The following EMCN variants were observed in gnomAD, a reference collection of about 807,000 sequenced individuals.
EMCN encodes the protein endomucin, also known as MUC-14.
EMCN carries 37 observed loss-of-function variants against 38.4 expected under a neutral mutation model. The ratio of observed to expected loss-of-function variants is 0.96; its 90% confidence interval spans 0.74 to 1.27. The LOEUF (loss-of-function observed/expected upper bound fraction) is 1.27. EMCN is among the 50% of genes most tolerant of loss of function. The pLI is 0.00. For synonymous variants in EMCN, 95 were observed against 100.8 expected, an observed-to-expected ratio of 0.94 and a Z score of 0.35; for missense variants, 318 against 302.8, an observed-to-expected ratio of 1.05 and a Z score of -0.37.
chr4:100,484,050 A>G (rs1728880005), intron 1 of EMCN, among the ~76,000 whole-genome samples: 1 of 152,148 alleles, frequency 6.6e-6, no homozygotes, highest in Admixed American at 6.6e-5. Flanking sequence ...ATATATCCAG[A>G]CTTAGAGAGC....
intron 3 of EMCN, among the ~76,000 whole-genome samples, chr4:100,472,805 G>A (rs1437095968): frequency 2.0e-5 from 3 of 151,700 alleles, no homozygotes; most frequent in Admixed American, 6.6e-5. Flanking sequence ...GAGTAGATTC[G>A]GGAGTCCAGA....
intron 5 of EMCN, among the ~76,000 whole-genome samples, chr4:100,432,810 G>T (rs1476873081): frequency 1.3e-5 from 2 of 151,814 alleles, no homozygotes; most frequent in Non-Finnish European, 1.5e-5. Context: ...ATCTTTCTTT[G>T]ATCTCTCATT....
At chr4:100,511,755 G>A (rs1040550870) in intron 1 of EMCN, among the ~76,000 whole-genome samples, 1 of 151,878 alleles carries the variant, frequency 6.6e-6, no homozygotes, top group East Asian at 1.9e-4. Context: ...AAACTAAAAT[G>A]TTCTCATCAA....
intron 10 of EMCN, among the ~76,000 whole-genome samples, chr4:100,411,914 T>A (rs993019561): frequency 1.3e-5 from 2 of 152,180 alleles, no homozygotes; most frequent in Admixed American, 1.3e-4. Context: ...TATGGCTTTA[T>A]AAATTTGTGA....
chr4:100,405,071 C>T (rs560930314), intron 11 of EMCN, among the ~76,000 whole-genome samples: 68 of 152,048 alleles, frequency 4.5e-4, no homozygotes, highest in Admixed American at 1.6e-3. Context: ...TTTTGTATCC[C>T]AAAACTTTGC....
At chr4:100,402,053 C>T (rs1047159018) in intron 11 of EMCN, among the ~76,000 whole-genome samples, 10 of 152,078 alleles carry the variant, frequency 6.6e-5, no homozygotes, top group Non-Finnish European at 1.3e-4. Flanking sequence ...TATATAATGT[C>T]ACTGTGCAAA....
intron 5 of EMCN, among the ~76,000 whole-genome samples, chr4:100,429,521 C>T (rs769755913): frequency 1.2e-4 from 19 of 152,042 alleles, no homozygotes; most frequent in Admixed American, 2.6e-4. Flanking sequence ...CCTTTCTGAC[C>T]TGGTTGCACT....
intron 5 of EMCN, chr4:100,446,194 C>T (rs1727666587): frequency 3.0e-6 from 3 of 985,258 alleles, no homozygotes; most frequent in South Asian, 4.7e-5. Flanking sequence ...TGACTGGATG[C>T]ACTGTTTTTG....
chr4:100,507,823 A>G (rs1471802643), intron 1 of EMCN, among the ~76,000 whole-genome samples: 1 of 152,156 alleles, frequency 6.6e-6, no homozygotes, highest in Non-Finnish European at 1.5e-5. Flanking sequence ...CGCCTAACAA[A>G]TATCTCCCAT....
At chr4:100,426,928 C>T (rs1326716471) in intron 5 of EMCN, among the ~76,000 whole-genome samples, 1 of 152,074 alleles carries the variant, frequency 6.6e-6, no homozygotes, top group African/African-American at 2.4e-5. Context: ...AAGGGACTAT[C>T]TATGGGTTTA....
chr4:100,515,996 T>G (rs957624490), intron 1 of EMCN, among the ~76,000 whole-genome samples: 1 of 128,204 alleles, frequency 7.8e-6, no homozygotes. Context: ...ATGGAGTAGG[T>G]TTGGTTTGTT....
At chr4:100,452,587 C>T (rs1049994934) in intron 4 of EMCN, among the ~76,000 whole-genome samples, 16 of 152,202 alleles carry the variant, frequency 1.1e-4, no homozygotes, top group African/African-American at 3.1e-4. Context: ...TCCCTCCTTC[C>T]CTGCCAATCC....
intron 10 of EMCN, among the ~76,000 whole-genome samples, chr4:100,411,900 TA>T (rs1726571211): frequency 6.6e-6 from 1 of 152,170 alleles, no homozygotes; most frequent in Admixed American, 6.5e-5. Context: ...AAGAGGATTC[TA>T]TATATGGCTT....
At chr4:100,481,155 T>C (rs1371043904) in intron 1 of EMCN, among the ~76,000 whole-genome samples, 2 of 152,144 alleles carry the variant, frequency 1.3e-5, no homozygotes, top group African/African-American at 4.8e-5. Context: ...GTTAAGAGGA[T>C]GGACTTTGAA....
chr4:100,474,342 A>T (rs1728575635), intron 3 of EMCN, among the ~76,000 whole-genome samples: 1 of 152,224 alleles, frequency 6.6e-6, no homozygotes. Context: ...TGAGATAATT[A>T]TAATTAAGAC....
intron 5 of EMCN, among the ~76,000 whole-genome samples, chr4:100,430,256 T>C (rs1200418293): frequency 6.6e-6 from 1 of 152,102 alleles, no homozygotes; most frequent in East Asian, 1.9e-4. Flanking sequence ...GGCCCCACAG[T>C]AAGTAGGTGG....
At chr4:100,464,313 G>A (rs147763132) in intron 4 of EMCN, among the ~76,000 whole-genome samples, 24 of 151,852 alleles carry the variant, frequency 1.6e-4, no homozygotes, top group South Asian at 1.5e-3. Flanking sequence ...AATTTTCTAC[G>A]TAGATAATTA....
At chr4:100,490,324 T>G (rs1163720067) in intron 1 of EMCN, among the ~76,000 whole-genome samples, 2 of 152,170 alleles carry the variant, frequency 1.3e-5, no homozygotes, top group Non-Finnish European at 2.9e-5. Flanking sequence ...ATTAAAAATG[T>G]CATAAGGTAA....
At chr4:100,466,799 G>T (rs1028999325) in intron 3 of EMCN, among the ~76,000 whole-genome samples, 4 of 152,158 alleles carry the variant, frequency 2.6e-5, no homozygotes, top group African/African-American at 4.8e-5. Flanking sequence ...AACTCCTGGG[G>T]GTAAAGATTT....
Sources: gnomAD v4.1 joint callset for allele counts (sites outside exome capture counted in the v4.1 genomes callset) on GRCh38, gnomAD v4.1.1 for gene constraint, MANE v1.5 for transcripts, NCBI Gene and HGNC (gene_info 2026-07-23, HGNC 2026-07-21) for gene names.